Variants in NELL1 observed in about 807,000 individuals in gnomAD.
The protein encoded by NELL1 is protein kinase C-binding protein NELL1.
NELL1 carries 76 observed loss-of-function variants against 107.4 expected under a neutral mutation model. The observed-to-expected ratio is 0.71, with a 90% CI of 0.59 to 0.86. The LOEUF (loss-of-function observed/expected upper bound fraction) is 0.86. Ranked by LOEUF, NELL1 falls within the 40% of genes least tolerant of loss-of-function variation. The pLI, the probability that NELL1 is intolerant of heterozygous loss-of-function variation, is 0.00. For synonymous variants in NELL1, 353 were observed against 341.2 expected (o/e 1.03, Z -0.38); for missense variants, 1,024 against 1,005.5 (o/e 1.02, Z -0.25).
intron 12 of NELL1, among the ~76,000 whole-genome samples, chr11:21,067,986 T>C (rs1017442789): frequency 1.6e-5 from 2 of 125,234 alleles, no homozygotes; most frequent in South Asian, 2.5e-4. Flanking sequence ...TGAGCCGAGA[T>C]TGCATCACTG....
At chr11:21,042,782 T>C (rs1853267371) in intron 12 of NELL1, among the ~76,000 whole-genome samples, 2 of 152,186 alleles carry the variant, frequency 1.3e-5, no homozygotes, top group South Asian at 2.1e-4. Flanking sequence ...GTTTCCAACA[T>C]AAATTCCAAG....
At chr11:21,342,420 G>GT (rs1850589055) in intron 14 of NELL1, among the ~76,000 whole-genome samples, 1 of 147,290 alleles carries the variant, frequency 6.8e-6, no homozygotes, top group Admixed American at 6.7e-5. Context: ...GTGGGGGGGG[G>GT]GGTCACTTGA....
chr11:20,888,389 T>A lies in NELL1; in HGVS notation c.603+2849T>A, dbSNP rs184828476. Among the ~76,000 whole-genome samples, 282 of 151,566 alleles carry A rather than the reference T, an allele frequency of 1.9e-3. 2 individuals are homozygous for A. Among genetic ancestry groups the A allele is most frequent in the Non-Finnish European group, 3.6e-3 (241 of 67,868 alleles). On this transcript the variant is annotated intron_variant, in intron 5 of 19. Transcript: ENST00000357134. ...GCCTCTATGTTTTCTAAGTGGCTTCTTAGATAGCTGAGATAGATAGCTTCT... is the reference window on the plus strand; with the variant it reads ...GCCTCTATGTTTTCTAAGTGGCTTCATAGATAGCTGAGATAGATAGCTTCT...
intron 13 of NELL1, among the ~76,000 whole-genome samples, chr11:21,184,477 C>T (rs1856891970): frequency 6.6e-6 from 1 of 151,728 alleles, no homozygotes; most frequent in African/African-American, 2.4e-5. Flanking sequence ...GCAATGTTGG[C>T]CAGGCTGGTC....
At chr11:20,977,151 C>T (rs1291164703) in intron 12 of NELL1, among the ~76,000 whole-genome samples, 1 of 151,744 alleles carries the variant, frequency 6.6e-6, no homozygotes, top group Non-Finnish European at 1.5e-5. Flanking sequence ...TCCTTAGTAT[C>T]CTATAAACTC....
At chr11:21,116,936 A>ATC (rs1855250335) in intron 13 of NELL1, among the ~76,000 whole-genome samples, 1 of 151,994 alleles carries the variant, frequency 6.6e-6, no homozygotes, top group African/African-American at 2.4e-5. Context: ...TACATGGAAA[A>ATC]TCAAATCCCT....
chr11:20,742,067 A>T (rs767205677), intron 2 of NELL1, among the ~76,000 whole-genome samples: 1 of 152,200 alleles, frequency 6.6e-6, no homozygotes, highest in African/African-American at 2.4e-5. Flanking sequence ...GCGAAGGAGC[A>T]TTGTTATTAC....
At chr11:21,158,458 G>C (rs939875190) in intron 13 of NELL1, among the ~76,000 whole-genome samples, 16 of 152,160 alleles carry the variant, frequency 1.1e-4, no homozygotes, top group African/African-American at 3.4e-4. Flanking sequence ...ATGGTACCTT[G>C]CTATTGTATA....
chr11:21,230,552 T>C (rs1158073340), intron 14 of NELL1, among the ~76,000 whole-genome samples: 2 of 152,340 alleles, frequency 1.3e-5, no homozygotes, highest in East Asian at 3.9e-4. Flanking sequence ...GGTATTATTA[T>C]CCTTATTTTA....
intron 13 of NELL1, among the ~76,000 whole-genome samples, chr11:21,117,862 A>G (rs932017778): frequency 2.0e-5 from 3 of 151,952 alleles, no homozygotes; most frequent in African/African-American, 4.8e-5. Flanking sequence ...ACATCTACTT[A>G]TAACTCATTG....
intron 19 of NELL1, among the ~76,000 whole-genome samples, chr11:21,574,464 A>G (rs76556811): frequency 0.012 from 1,895 of 151,892 alleles, 38 homozygotes; most frequent in East Asian, 0.073. Flanking sequence ...AAAATTTTTA[A>G]TGAATTTATA....
intron 14 of NELL1, among the ~76,000 whole-genome samples, chr11:21,368,750 T>C (rs940116861): frequency 3.3e-5 from 5 of 152,138 alleles, no homozygotes; most frequent in African/African-American, 1.2e-4. Context: ...TATTCTAGTA[T>C]CAGGTTTATA....
chr11:20,911,972 G>A (rs1442322703), intron 5 of NELL1, among the ~76,000 whole-genome samples: 7 of 152,170 alleles, frequency 4.6e-5, no homozygotes, highest in Non-Finnish European at 8.8e-5. Context: ...AGTCAGCATA[G>A]CTCCAGGCTT....
chr11:21,192,656 T>C (rs1267848406), intron 13 of NELL1, among the ~76,000 whole-genome samples: 1 of 151,832 alleles, frequency 6.6e-6, no homozygotes, highest in African/African-American at 2.4e-5. Flanking sequence ...GCATGTTTTG[T>C]AGTGACAGAT....
intron 15 of NELL1, among the ~76,000 whole-genome samples, chr11:21,496,201 A>G (rs1292059276): frequency 2.6e-5 from 4 of 151,942 alleles, no homozygotes; most frequent in African/African-American, 9.7e-5. Context: ...GAAAAACTAT[A>G]CATTTCCCTT....
Position 20,928,427 on chromosome 11 carries a change from C to G in NELL1, c.945C>G (p.Ser315=). 1 of 1,614,038 alleles carries G rather than the reference C, an allele frequency of 6.2e-7. No homozygotes were observed. The highest frequency in any genetic ancestry group is 8.5e-7 in the Non-Finnish European group (1 of 1,179,954). The change falls in exon 9 of 20, where the codon TCC becomes TCG. Residue 315 remains serine, a synonymous_variant. Transcript: ENST00000357134. ...TGTCCTGTCCCCCTCTCAATTGCTC[C>G]CCAGACTCCCTCCCAGTGCACATTG... The part of the protein sequence containing the change: ...RRMSCPPLNC[S]PDSLPVHIAG...
Position 20,780,088 on chromosome 11 carries a change from A to C in NELL1, c.185-3592A>C, listed in dbSNP as rs534517060. Among the ~76,000 whole-genome samples the C allele has an allele frequency of 6.6e-5, 10 of 152,348 alleles. No homozygotes were observed. In the South Asian group the frequency reaches 1.9e-3, roughly 28 times the overall value. On this transcript the variant is annotated intron_variant, in intron 2 of 19. Coordinates refer to ENST00000357134, the MANE Select transcript of NELL1 (RefSeq NM_006157.5). ...ACATAAAGCCTCAGTGTATCAAAAC[A>C]GGTGTTTCTTACATTTCACTCTAGT...
At chr11:21,196,130 T>C (rs771318404) in intron 13 of NELL1, among the ~76,000 whole-genome samples, 2 of 152,106 alleles carry the variant, frequency 1.3e-5, no homozygotes, top group Non-Finnish European at 2.9e-5. Flanking sequence ...TAAGTGGAGG[T>C]TGGACTTAGT....
rs374422694 is a variant in NELL1 at position 21,278,935 on chromosome 11, A to G, written c.1549+49481A>G. 1.8e-4 allele frequency among the ~76,000 whole-genome samples: 27 copies of G among 152,292 alleles called. No homozygotes were observed. The East Asian group carries it at 4.8e-3, about 27-fold the overall frequency. On this transcript the variant is annotated intron_variant, in intron 14 of 19. Transcript: ENST00000357134. ...TAGTACTGATGAAGAATAGACAAAC[A>G]AGTCAATGCAAGAGACTAGAGAGCC...
Sources: gnomAD v4.1 joint callset for allele counts (sites outside exome capture counted in the v4.1 genomes callset) on GRCh38, gnomAD v4.1.1 for gene constraint, MANE v1.5 for transcripts, NCBI Gene and HGNC (gene_info 2026-07-23, HGNC 2026-07-21) for gene names.